Variants in ARHGEF7 observed in about 807,000 individuals in gnomAD.
ARHGEF7 encodes PAK-interacting exchange factor beta.
A neutral mutation model predicts 109.8 loss-of-function variants in ARHGEF7; 33 were observed. The observed-to-expected ratio is 0.30, with a 90% CI of 0.23 to 0.40. The LOEUF (loss-of-function observed/expected upper bound fraction) is 0.40, where lower values mean the gene tolerates loss of function less well. Among genes scored for constraint, ARHGEF7 ranks in the 10% least tolerant of loss-of-function variants. The pLI is 1.00. For missense variants in ARHGEF7, 938 were observed against 1,098.5 expected, an observed-to-expected ratio of 0.85 and a Z score of 2.07; for synonymous variants, 458 against 424.6, an observed-to-expected ratio of 1.08 and a Z score of -0.97.
In ARHGEF7 at chr13:111,239,629, C is replaced by T. The variant is rs1235318294; in HGVS notation, c.760-4243C>T. Among the ~76,000 whole-genome samples, 5 of 151,978 alleles carry T rather than the reference C, an allele frequency of 3.3e-5. No individual in the cohort carries two copies. The highest frequency in any genetic ancestry group is 4.8e-5 in the African/African-American group (2 of 41,354). On this transcript the variant is annotated intron_variant, in intron 6 of 21. Transcript: ENST00000646102. This position sits in a 1 kb window ranked among gnomAD's most constrained non-coding sequence, Gnocchi z 4.3. Reference sequence around the variant, plus strand: ...TGACTCCTGAAGTCTCTGCTTGGGGCCCGTAGGTGGAGATGGTTAATGATG... The same window carrying T: ...TGACTCCTGAAGTCTCTGCTTGGGGTCCGTAGGTGGAGATGGTTAATGATG...
chr13:111,158,236 G>C (rs1480835773), intron 2 of ARHGEF7, among the ~76,000 whole-genome samples: 1 of 151,986 alleles, frequency 6.6e-6, no homozygotes, highest in African/African-American at 2.4e-5. Context: ...AGGCTTTTTT[G>C]CTTAAGAATT....
rs2076199332 is a variant in ARHGEF7, at chr13:111,155,005, A to G, written c.252+1014A>G. Among the ~76,000 whole-genome samples the G allele has an allele frequency of 2.0e-5, 3 of 152,326 alleles. No individual in the cohort carries two copies. In the South Asian group the frequency reaches 6.2e-4, roughly 32 times the overall value. ...GAAATACTGGAGGAGGGGGAAACCA[A>G]TTAAAAAAAAACAATAAAAAACAAC... is the stretch of plus-strand genomic sequence containing the variant. On this transcript the variant is annotated intron_variant, in intron 2 of 21. Transcript: ENST00000646102.
rs965634791 is a variant in ARHGEF7, at chr13:111,303,236, G to C, written c.*123G>C. ...TGGGTGGGGCGCCACCTTGCTCTCT[G>C]TATATAGAAAAGCTGGAGCTTATTC... is the stretch of plus-strand genomic sequence containing the variant. On this transcript the variant is annotated 3_prime_UTR_variant, in exon 22 of 22. Coordinates refer to ENST00000646102, the MANE Select transcript of ARHGEF7 (RefSeq NM_001354046.2). The C allele has an allele frequency of 7.6e-6, 7 of 921,820 alleles. No homozygotes were observed. The highest frequency in any genetic ancestry group is 1.7e-5 in the African/African-American group (1 of 59,598). The allele number at this position is 921,820 out of a possible 1,614,324, so 57.1% of individuals were successfully genotyped here.
At chr13:111,246,518 G>A (rs888716567) in intron 8 of ARHGEF7, among the ~76,000 whole-genome samples, 1 of 152,172 alleles carries the variant, frequency 6.6e-6, no homozygotes, top group African/African-American at 2.4e-5. Flanking sequence ...TATCGATATG[G>A]CAAGGAAAGC....
chr13:111,235,399 G>C (rs1051495928), intron 6 of ARHGEF7, among the ~76,000 whole-genome samples: 11 of 152,050 alleles, frequency 7.2e-5, no homozygotes, highest in Non-Finnish European at 1.3e-4. Flanking sequence ...TTCTCTAACT[G>C]TCCTTTTACA....
intron 5 of ARHGEF7, among the ~76,000 whole-genome samples, chr13:111,229,522 T>A (rs1366728752): frequency 6.6e-6 from 1 of 152,194 alleles, no homozygotes; most frequent in South Asian, 2.1e-4. Context: ...TGCGTATCTC[T>A]CCTGTCATTT....
chr13:111,214,896 C>T (rs2082928651), intron 4 of ARHGEF7, among the ~76,000 whole-genome samples: 1 of 152,130 alleles, frequency 6.6e-6, no homozygotes. Flanking sequence ...AATAATATTA[C>T]AGCTACTCCT....
At chr13:111,141,486 C>T (rs976131104) in intron 1 of ARHGEF7, among the ~76,000 whole-genome samples, 2 of 152,114 alleles carry the variant, frequency 1.3e-5, no homozygotes, top group African/African-American at 2.4e-5. Flanking sequence ...TGGGTGTGCC[C>T]CCTTCAGGAA....
chr13:111,134,993 G>C (rs1048874054), intron 1 of ARHGEF7, among the ~76,000 whole-genome samples: 12 of 152,178 alleles, frequency 7.9e-5, no homozygotes, highest in Non-Finnish European at 1.8e-4. Context: ...TTTGTATAAG[G>C]ATCCAGTTTC....
At position 111,173,437 on chromosome 13, in the gene ARHGEF7, T is replaced by A. The variant is rs532331134; in HGVS notation, c.252+19446T>A. 1.4e-4 allele frequency among the ~76,000 whole-genome samples: 21 copies of A among 152,364 alleles called. No homozygotes were observed. The South Asian group carries it at 3.9e-3, about 29-fold the overall frequency. On this transcript the variant is annotated intron_variant, in intron 2 of 21. Coordinates refer to ENST00000646102, the MANE Select transcript of ARHGEF7 (RefSeq NM_001354046.2). ...CCAGGAGTTTGACCAATTCCAGGCC[T>A]CTGTGTCTGTCTTGGGAGGATGCTC...
intron 1 of ARHGEF7, among the ~76,000 whole-genome samples, chr13:111,132,752 A>C (rs1347892351): frequency 6.6e-6 from 1 of 152,236 alleles, no homozygotes; most frequent in Non-Finnish European, 1.5e-5. Context: ...AACTCAAAGC[A>C]TGAAAACATG....
At chr13:111,299,859 A>C (rs1043211333) in intron 19 of ARHGEF7, among the ~76,000 whole-genome samples, 21 of 152,162 alleles carry the variant, frequency 1.4e-4, no homozygotes, top group African/African-American at 4.3e-4. Context: ...CTTCATGGAG[A>C]AATGTTTCTC....
intron 8 of ARHGEF7, among the ~76,000 whole-genome samples, chr13:111,254,064 T>C (rs1019114780): frequency 2.3e-4 from 35 of 152,148 alleles, no homozygotes; most frequent in Non-Finnish European, 4.1e-4. Context: ...GTTGAACCAT[T>C]GTGGTGCTGG....
chr13:111,221,318 TAG>T (rs1288980335), intron 5 of ARHGEF7, among the ~76,000 whole-genome samples: 267 of 24,780 alleles, frequency 0.011, 118 homozygotes, highest in Non-Finnish European at 0.021. Context: ...TATCTATATA[TAG>T]ATATATATGT....
chr13:111,203,680 T>C (rs1016681877), intron 2 of ARHGEF7, among the ~76,000 whole-genome samples: 3 of 152,252 alleles, frequency 2.0e-5, no homozygotes, highest in Admixed American at 6.5e-5. Context: ...TGGTGGGTTT[T>C]TCTCTTGAGG....
chr13:111,175,926 G>C (rs1566715661), intron 2 of ARHGEF7, among the ~76,000 whole-genome samples: 1 of 152,196 alleles, frequency 6.6e-6, no homozygotes, highest in Non-Finnish European at 1.5e-5. Context: ...GCAGGAAGGA[G>C]AAATGCAGAG....
intron 1 of ARHGEF7, among the ~76,000 whole-genome samples, chr13:111,126,489 C>CA (rs1002145808): frequency 4.3e-3 from 350 of 80,846 alleles, no homozygotes; most frequent in African/African-American, 8.3e-3. Context: ...GACTCCATCT[C>CA]AAAAAAAAAA....
rs1014553710 is a variant in ARHGEF7 at position 111,245,936 on chromosome 13, A to G, written c.950+1642A>G. On this transcript the variant is annotated intron_variant, in intron 8 of 21. Coordinates refer to ENST00000646102, the MANE Select transcript of ARHGEF7 (RefSeq NM_001354046.2). The stretch of plus-strand genomic sequence containing the variant: ...TTCCAATATCAAATGGCAAATTTCA[A>G]CAATGCAGAAACCACAAATATGTTT... Among the ~76,000 whole-genome samples the G allele has an allele frequency of 3.3e-5, 5 of 152,388 alleles. No individual in the cohort carries two copies. The East Asian group carries it at 9.6e-4, about 29-fold the overall frequency.
chr13:111,227,478 G>A (rs2085366252), intron 5 of ARHGEF7, among the ~76,000 whole-genome samples: 2 of 152,240 alleles, frequency 1.3e-5, no homozygotes, highest in African/African-American at 4.8e-5. Context: ...AGGCTCAGAT[G>A]ATTGTTAGCA....
Sources: allele counts gnomAD v4.1 joint callset (sites outside exome capture counted in the v4.1 genomes callset), GRCh38; gene constraint gnomAD v4.1.1; non-coding constraint Gnocchi (gnomAD v3.1); transcripts MANE v1.5; gene names NCBI Gene and HGNC (gene_info 2026-07-23, HGNC 2026-07-21).